Variants in SFMBT1 observed in about 807,000 individuals in gnomAD.
SFMBT1 encodes the protein scm-like with four MBT domains protein 1.
Under a neutral mutation model 108.7 loss-of-function variants are expected in SFMBT1, and 32 were observed. The observed-to-expected ratio is 0.29, with a 90% CI of 0.22 to 0.40. The LOEUF is 0.40. Among genes scored for constraint, SFMBT1 ranks in the 10% least tolerant of loss-of-function variants. The pLI is 1.00. For missense variants in SFMBT1, 816 were observed against 1,059.6 expected (o/e 0.77, Z 3.19); for synonymous variants, 348 against 369.5 (o/e 0.94, Z 0.67).
intron 14 of SFMBT1, among the ~76,000 whole-genome samples, chr3:52,913,969 A>C (rs1053701978): frequency 3.3e-5 from 5 of 152,244 alleles, no homozygotes; most frequent in Non-Finnish European, 7.3e-5. Flanking sequence ...CAGGTCTTCA[A>C]AAACCAACTT....
intron 4 of SFMBT1, among the ~76,000 whole-genome samples, chr3:52,942,527 T>C (rs563227532): frequency 1.3e-5 from 2 of 152,254 alleles, no homozygotes; most frequent in Non-Finnish European, 2.9e-5. Flanking sequence ...ATTTTCTTTC[T>C]TTTGAGACAG....
intron 1 of SFMBT1, among the ~76,000 whole-genome samples, chr3:53,030,109 A>G (rs1231998461): frequency 3.9e-5 from 6 of 152,234 alleles, no homozygotes; most frequent in Non-Finnish European, 1.5e-5. Context: ...ATATAAATAA[A>G]TATGGAAACA....
chr3:52,961,624 A>G (rs1703963973), intron 2 of SFMBT1, among the ~76,000 whole-genome samples: 3 of 152,224 alleles, frequency 2.0e-5, no homozygotes, highest in Admixed American at 1.3e-4. Flanking sequence ...AAAAAATTAA[A>G]AACATATTGA....
intron 1 of SFMBT1, among the ~76,000 whole-genome samples, chr3:53,001,767 T>A (rs990807196): frequency 2.7e-5 from 4 of 145,684 alleles, no homozygotes; most frequent in South Asian, 2.2e-4. Flanking sequence ...AAAAAAAAAA[T>A]TGTAAAAAAT....
chr3:53,021,568 T>C (rs1699307875), intron 1 of SFMBT1, among the ~76,000 whole-genome samples: 1 of 152,164 alleles, frequency 6.6e-6, no homozygotes, highest in Non-Finnish European at 1.5e-5. Flanking sequence ...CATTTGGAGA[T>C]TTAATTTAAA....
At chr3:52,966,041 G>A (rs1356977841) in intron 2 of SFMBT1, among the ~76,000 whole-genome samples, 17 of 146,352 alleles carry the variant, frequency 1.2e-4, no homozygotes, top group Admixed American at 7.7e-4. Flanking sequence ...GACTAAAGCC[G>A]GCGCGGTGGC....
chr3:53,020,305 G>C (rs1033597336), intron 1 of SFMBT1, among the ~76,000 whole-genome samples: 2 of 151,972 alleles, frequency 1.3e-5, no homozygotes, highest in African/African-American at 4.8e-5. Context: ...AGGGGAAATC[G>C]CTTGAACCTG....
chr3:52,920,668 A>G lies in SFMBT1; in HGVS notation c.1259-18T>C, dbSNP rs917555911. On this transcript the variant is annotated intron_variant, in intron 11 of 20. Coordinates refer to ENST00000394752, the MANE Select transcript of SFMBT1 (RefSeq NM_016329.4). ...CTTAGAACCTGTTTAGATTTAAACA[A>G]ACAAACAAACAAACAAACAAACCTT... The G allele has an allele frequency of 7.4e-7, 1 of 1,357,188 alleles. No homozygotes were observed. The highest frequency in any genetic ancestry group is 1.0e-6 in the Non-Finnish European group (1 of 961,704). The allele number at this position is 1,357,188 out of a possible 1,614,324, so 84.1% of individuals were successfully genotyped here.
rs546141014 is a variant in SFMBT1 at position 52,987,719 on chromosome 3, CATTT to C, written c.-130-18465_-130-18462del. Among the ~76,000 whole-genome samples, 51 of 152,260 alleles carry C rather than the reference CATTT, an allele frequency of 3.3e-4. No individual in the cohort carries two copies. In the South Asian group the frequency reaches 5.8e-3, roughly 17 times the overall value. The stretch of plus-strand genomic sequence containing the variant: ...GCTCAAGTTGTTTTATTCATTCATT[CATTT>C]AACTTCTAAGTTCCATACTGTTCTG... On this transcript the variant is annotated intron_variant, in intron 1 of 20. Transcript: ENST00000394752.
intron 1 of SFMBT1, among the ~76,000 whole-genome samples, chr3:52,990,564 G>A (rs2564934): frequency 0.35 from 53,060 of 151,948 alleles, 10,323 homozygotes; most frequent in East Asian, 0.54. Flanking sequence ...TACTTTTCTC[G>A]GAATCTTTAA....
chr3:53,035,797 T>C (rs1200188109), intron 1 of SFMBT1, among the ~76,000 whole-genome samples: 7 of 152,190 alleles, frequency 4.6e-5, no homozygotes, highest in Non-Finnish European at 5.9e-5. Context: ...TTCACTATTT[T>C]GGCCAGGCTG....
chr3:53,028,164 C>T (rs1004159257), intron 1 of SFMBT1, among the ~76,000 whole-genome samples: 1 of 152,140 alleles, frequency 6.6e-6, no homozygotes, highest in African/African-American at 2.4e-5. Context: ...GAACACAGCT[C>T]ACTTGGAGGC....
At chr3:53,038,582 C>T (rs1465181966) in intron 1 of SFMBT1, among the ~76,000 whole-genome samples, 2 of 152,224 alleles carry the variant, frequency 1.3e-5, no homozygotes, top group Non-Finnish European at 2.9e-5. Context: ...GAAAATATAA[C>T]TCTTTAACCA....
intron 1 of SFMBT1, among the ~76,000 whole-genome samples, chr3:53,017,061 A>C (rs901743106): frequency 6.6e-6 from 1 of 152,210 alleles, no homozygotes; most frequent in Non-Finnish European, 1.5e-5. Context: ...TTTGTTGAGG[A>C]TCTACTATGC....
chr3:53,019,131 A>G (rs550906575), intron 1 of SFMBT1: 2 of 152,266 alleles, frequency 1.3e-5, no homozygotes, highest in African/African-American at 4.8e-5. Flanking sequence ...TTCTACAGAA[A>G]AAAATTTTTT....
chr3:52,997,817 C>T (rs1313726175), intron 1 of SFMBT1, among the ~76,000 whole-genome samples: 1 of 150,250 alleles, frequency 6.7e-6, no homozygotes, highest in Non-Finnish European at 1.5e-5. Context: ...TTGCATAACT[C>T]TATACAATTA....
At chr3:53,019,180 G>C (rs9879091) in intron 1 of SFMBT1, 1 of 152,084 alleles carries the variant, frequency 6.6e-6, no homozygotes, top group Non-Finnish European at 1.5e-5. Flanking sequence ...TGTAGCCCCA[G>C]CTACTGGGGA....
chr3:52,929,711 G>A (rs1435201654), intron 8 of SFMBT1, among the ~76,000 whole-genome samples: 1 of 152,178 alleles, frequency 6.6e-6, no homozygotes, highest in African/African-American at 2.4e-5. Context: ...TTAGCACCCA[G>A]GCAACTATTC....
chr3:53,015,999 C>T (rs1407185972), intron 1 of SFMBT1, among the ~76,000 whole-genome samples: 1 of 152,140 alleles, frequency 6.6e-6, no homozygotes, highest in East Asian at 1.9e-4. Flanking sequence ...GCAAGGCCTG[C>T]AGTAGGGAAG....
Sources: allele counts gnomAD v4.1 joint callset (sites outside exome capture counted in the v4.1 genomes callset), GRCh38; gene constraint gnomAD v4.1.1; transcripts MANE v1.5; gene names NCBI Gene and HGNC (gene_info 2026-07-23, HGNC 2026-07-21).